Variants in FCRL3 observed in about 807,000 individuals in gnomAD.
The protein encoded by FCRL3 is Fc receptor like 3, also known as Fc receptor-like protein 3.
A neutral mutation model predicts 75.0 loss-of-function variants in FCRL3; 89 were observed. That is an observed-to-expected ratio of 1.19 (90% CI 1.00 to 1.42). FCRL3 has a LOEUF of 1.42. Among genes scored for constraint, FCRL3 ranks in the 40% most tolerant of loss-of-function variants. The pLI, the probability that FCRL3 is intolerant of heterozygous loss-of-function variation, is 0.00. For missense variants in FCRL3, 946 were observed against 880.0 expected, an observed-to-expected ratio of 1.07 and a Z score of -0.95; for synonymous variants, 376 against 348.5, an observed-to-expected ratio of 1.08 and a Z score of -0.88.
intron 13 of FCRL3, 69 bp from the exon 14 acceptor site, chr1:157,679,042 A>C: frequency 6.6e-7 from 1 of 1,526,648 alleles, no homozygotes; most frequent in Non-Finnish European, 9.1e-7. Flanking sequence ...CAACGTACGC[A>C]CACTGCATTC....
rs938260971 is a variant in FCRL3 at position 157,676,932 on chromosome 1, A to G, written c.*1778T>C. On this transcript the variant is annotated 3_prime_UTR_variant, in exon 15 of 15. Coordinates refer to ENST00000368184, the MANE Select transcript of FCRL3 (RefSeq NM_052939.4). ...TGGTTGGTACCCAAAACCGGTTTAC[A>G]TATTTTCACCATAGAGAAAAAAACA... 6.3e-6 allele frequency: 9 copies of G among 1,422,050 alleles called. No individual in the cohort carries two copies. Among genetic ancestry groups the G allele is most frequent in the African/African-American group, 2.9e-5 (2 of 69,406 alleles). The allele number at this position is 1,422,050 out of a possible 1,614,324, so 88.1% of individuals were successfully genotyped here.
At chr1:157,684,816 C>T (rs1571195719) in intron 10 of FCRL3, among the ~76,000 whole-genome samples, 1 of 152,082 alleles carries the variant, frequency 6.6e-6, no homozygotes, top group Non-Finnish European at 1.5e-5. Context: ...GTCAAAAAAC[C>T]TATCATTCCT....
Position 157,700,493 on chromosome 1 carries a change from C to A in FCRL3, c.-4G>T. 1 of 1,614,052 alleles carries A rather than the reference C, an allele frequency of 6.2e-7. No homozygotes were observed. Among genetic ancestry groups the A allele is most frequent in the East Asian group, 2.2e-5 (1 of 44,876 alleles). Reference sequence around the variant, plus strand: ...GCAGCAGCAGCCACAGAAGCATGGGCACCGGCCGGGCAGAGGGTTGGGAAA... The same window carrying A: ...GCAGCAGCAGCCACAGAAGCATGGGAACCGGCCGGGCAGAGGGTTGGGAAA... On this transcript the variant is annotated 5_prime_UTR_variant, in exon 2 of 15. Coordinates refer to ENST00000368184, the MANE Select transcript of FCRL3 (RefSeq NM_052939.4).
At position 157,678,563 on chromosome 1, in the gene FCRL3, G is replaced by A; in HGVS notation, c.*147C>T. Reference sequence around the variant, plus strand: ...GAACACACAGATCAGGCACAGGGGAGATTTGCAGACCTTTTGCTCAGCCTC... The same window carrying A: ...GAACACACAGATCAGGCACAGGGGAAATTTGCAGACCTTTTGCTCAGCCTC... On this transcript the variant is annotated 3_prime_UTR_variant, in exon 15 of 15. Coordinates refer to ENST00000368184, the MANE Select transcript of FCRL3 (RefSeq NM_052939.4). 1 of 1,495,406 alleles carries A rather than the reference G, an allele frequency of 6.7e-7. No homozygotes were observed. The highest frequency in any genetic ancestry group is 2.3e-5 in the East Asian group (1 of 43,560). 92.6% of individuals were successfully genotyped at this position (1,495,406 alleles called of 1,614,324 possible).
At position 157,697,345 on chromosome 1, in the gene FCRL3, G is replaced by T; in HGVS notation, c.639C>A (p.Thr213=). The change falls in exon 6 of 15, where the codon ACC becomes ACA. Residue 213 remains threonine, a synonymous_variant. Coordinates refer to ENST00000368184, the MANE Select transcript of FCRL3 (RefSeq NM_052939.4). ...CATCTGGCCTCTGTGGAGAGAGCTG[G>T]GTCTCACAGGTCAGGGTCATGGGAC... ...EGSPMTLTCE[T]QLSPQRPDVQ... The T allele has an allele frequency of 6.2e-7, 1 of 1,609,390 alleles. No individual in the cohort carries two copies. The highest frequency in any genetic ancestry group is 8.5e-7 in the Non-Finnish European group (1 of 1,177,778).
rs1654782859 is a variant in FCRL3 at position 157,680,738 on chromosome 1, G to T, written c.1990C>A (p.Gln664Lys). ...NPGDSNPIYS[Q>K]IWSIQHTKEN... ...TTTGTATGCTGGATGCTCCAGATCT[G>T]GGAATAAATCGGGTTGCTATCTCCA... The change falls in exon 13 of 15, where the codon CAG becomes AAG. Residue 664 changes from glutamine to lysine, a missense_variant. Physicochemically the swap from Gln to Lys is moderately conservative, Grantham distance 53. Transcript: ENST00000368184. 1.2e-6 allele frequency: 2 copies of T among 1,613,974 alleles called. No individual in the cohort carries two copies. Among genetic ancestry groups the T allele is most frequent in the African/African-American group, 2.7e-5 (2 of 74,934 alleles).
rs1422811369 is a variant in FCRL3 at position 157,695,365 on chromosome 1, C to T, written c.1375G>A (p.Ala459Thr). The T allele has an allele frequency of 8.7e-6, 14 of 1,613,980 alleles. No homozygotes were observed. The African/African-American group carries it at 1.5e-4, about 17-fold the overall frequency. Residue 459 changes from alanine to threonine, a missense_variant, in exon 8 of 15, where the codon GCC (alanine) becomes ACC (threonine). Ala to Thr is a moderately conservative substitution (Grantham distance 58). Transcript: ENST00000368184. ...YSCDADNGLG[A>T]QHSHGVSLRV... ...AGACTCACTCCATGACTGTGCTGGG[C>T]CCCCAGGCCATTGTCTGCATCACAG...
chr1:157,694,272 A>G (rs978406911), intron 8 of FCRL3, among the ~76,000 whole-genome samples: 11 of 152,184 alleles, frequency 7.2e-5, no homozygotes, highest in Admixed American at 1.3e-4. Flanking sequence ...TAAGCACAAG[A>G]CTAGTAAGAA....
intron 11 of FCRL3, among the ~76,000 whole-genome samples, chr1:157,682,237 C>T (rs1654899661): frequency 6.6e-6 from 1 of 152,128 alleles, no homozygotes; most frequent in Non-Finnish European, 1.5e-5. Context: ...TGCAGAAGCT[C>T]TTTAGTTTAA....
chr1:157,700,610 A>T, intron 1 of FCRL3, 25 bp from the exon 2 acceptor site: 2 of 1,568,596 alleles, frequency 1.3e-6, no homozygotes, highest in Non-Finnish European at 1.7e-6. Flanking sequence ...AAAGGGAAGA[A>T]GAGCTTAGTG....
chr1:157,679,460 AT>A (rs1654681326), intron 13 of FCRL3, among the ~76,000 whole-genome samples: 1 of 152,122 alleles, frequency 6.6e-6, no homozygotes, highest in Non-Finnish European at 1.5e-5. Context: ...CCACATGACA[AT>A]TTCCCAGGAA....
chr1:157,680,595 T>A, intron 13 of FCRL3, 107 bp downstream of exon 13: 1 of 881,028 alleles, frequency 1.1e-6, no homozygotes. Context: ...AGGCAAGTAA[T>A]GCCTTGCGTG....
At chr1:157,681,378 G>A (rs902134590) in intron 11 of FCRL3, among the ~76,000 whole-genome samples, 1 of 149,664 alleles carries the variant, frequency 6.7e-6, no homozygotes, top group Admixed American at 6.7e-5. Flanking sequence ...ATCTCCTAAT[G>A]CTATCCCTCT....
chr1:157,696,236 G>T lies in FCRL3; in HGVS notation c.936C>A (p.Ala312=). ...AGAATGTGACAGTCCCTGAACCCTG[G>T]GCTACTGAGCAAATAAGGACCATAT... ...GENMVLICSV[A]QGSGTVTFSW... Residue 312 remains alanine (A), a synonymous_variant, in exon 7 of 15, where the codon GCC becomes GCA. Coordinates refer to ENST00000368184, the MANE Select transcript of FCRL3 (RefSeq NM_052939.4). 6.2e-7 allele frequency: 1 copy of T among 1,613,848 alleles called. No homozygotes were observed.
intron 11 of FCRL3, among the ~76,000 whole-genome samples, chr1:157,682,019 T>A (rs1205248919): frequency 6.6e-6 from 1 of 151,810 alleles, no homozygotes; most frequent in Non-Finnish European, 1.5e-5. Flanking sequence ...TTTCATGTGT[T>A]TTTTGGCTGC....
Position 157,699,721 on chromosome 1 carries a change from G to C in FCRL3, c.32-9C>G, listed in dbSNP as rs760805395. On this transcript the variant is annotated splice_polypyrimidine_tract_variant and intron_variant, in intron 2 of 14. Transcript: ENST00000368184. ...TTGTTCTCTTCCAGGAGCTGTGAGG[G>C]AGCAGAAAATGACAATCAGACACTC... 2.5e-6 allele frequency: 4 copies of C among 1,613,228 alleles called. No homozygotes were observed. Among genetic ancestry groups the C allele is most frequent in the East Asian group, 2.2e-5 (1 of 44,834 alleles).
chr1:157,683,159 T>C, intron 11 of FCRL3, 58 bp downstream of exon 11: 1 of 1,570,882 alleles, frequency 6.4e-7, no homozygotes. Flanking sequence ...CATAAACAAG[T>C]CTCGTGCATA....
intron 4 of FCRL3, chr1:157,698,152 G>T: frequency 2.8e-6 from 2 of 720,954 alleles, no homozygotes; most frequent in Non-Finnish European, 4.5e-6. Context: ...AGGAATCCCA[G>T]ACTTGAACCC....
chr1:157,676,633 A>G lies in FCRL3; in HGVS notation c.*2077T>C. The G allele has an allele frequency of 7.6e-7, 1 of 1,318,570 alleles. No homozygotes were observed. The highest frequency in any genetic ancestry group is 1.1e-6 in the Non-Finnish European group (1 of 941,248). The allele number at this position is 1,318,570 out of a possible 1,614,324, so 81.7% of individuals were successfully genotyped here. ...TCATTTTACAGGGCAATCAATCAGA[A>G]TTTGCACATTTGTTATATCCGAGAT... On this transcript the variant is annotated 3_prime_UTR_variant, in exon 15 of 15. Transcript: ENST00000368184.
Sources: gnomAD v4.1 joint callset for allele counts (sites outside exome capture counted in the v4.1 genomes callset) on GRCh38, gnomAD v4.1.1 for gene constraint, MANE v1.5 for transcripts, NCBI Gene and HGNC (gene_info 2026-07-23, HGNC 2026-07-21) for gene names.